The following R3HDML variants were observed in gnomAD, a reference collection of about 807,000 sequenced individuals.
R3HDML encodes the protein peptidase inhibitor R3HDML.
Under a neutral mutation model 24.2 loss-of-function variants are expected in R3HDML, and 21 were observed. The ratio of observed to expected loss-of-function variants is 0.87; its 90% CI spans 0.62 to 1.25. The LOEUF (loss-of-function observed/expected upper bound fraction) is 1.25. R3HDML is among the 50% of genes most tolerant of loss of function. The pLI is 0.00. For synonymous variants in R3HDML, 133 were observed against 131.5 expected, an observed-to-expected ratio of 1.01 and a Z score of -0.08; for missense variants, 301 against 340.3, an observed-to-expected ratio of 0.88 and a Z score of 0.91.
rs144380945 is a variant in R3HDML at position 44,345,332 on chromosome 20, A to G, written c.583A>G (p.Asn195Asp). Residue 195 changes from asparagine to aspartate, a missense_variant, in exon 4 of 5, where the codon AAC becomes GAC. By Grantham distance (23) the Asn-to-Asp change is conservative. Transcript: ENST00000217043. ...HTCSSISVWG[N>D]TWHRAAYLVC... ...CTGTAGTAGCATCAGTGTCTGGGGC[A>G]ACACCTGGCATCGGGCGGCATACCT... is the stretch of plus-strand genomic sequence containing the variant. The G allele has an allele frequency of 4.6e-3, 7,443 of 1,614,122 alleles. 30 individuals carry two copies. The highest frequency in any genetic ancestry group is 5.3e-3 in the Non-Finnish European group (6,291 of 1,180,018).
chr20:44,338,636 C>T (rs80091683), intron 1 of R3HDML, among the ~76,000 whole-genome samples: 13 of 152,236 alleles, frequency 8.5e-5, no homozygotes, highest in African/African-American at 3.1e-4. Context: ...TGATTGCAGG[C>T]GGCATGGAGC....
At chr20:44,342,312 A>T (rs1197299058) in intron 2 of R3HDML, among the ~76,000 whole-genome samples, 2 of 152,116 alleles carry the variant, frequency 1.3e-5, no homozygotes, top group Non-Finnish European at 2.9e-5. Flanking sequence ...CTCAGTGGAA[A>T]TTCAGGGCCC....
In R3HDML at chr20:44,337,428, C is replaced by T. The variant is rs200169964; in HGVS notation, c.261+10C>T. On this transcript the variant is annotated intron_variant, in intron 1 of 4. Coordinates refer to ENST00000217043, the MANE Select transcript of R3HDML (RefSeq NM_178491.4). This position sits in a 1 kb window ranked among gnomAD's most constrained non-coding sequence, Gnocchi z 4.7. ...CAACATGGAATACATGGTGAGTCCCCGTACCTGCCCCCCACCCCCCGCAGT... is the reference window on the plus strand; with the variant it reads ...CAACATGGAATACATGGTGAGTCCCTGTACCTGCCCCCCACCCCCCGCAGT... 1.5e-4 allele frequency: 235 copies of T among 1,605,870 alleles called. No individual in the cohort carries two copies. The highest frequency in any genetic ancestry group is 3.0e-5 in the Non-Finnish European group (35 of 1,173,436).
intron 4 of R3HDML, among the ~76,000 whole-genome samples, chr20:44,348,864 T>C (rs35880927): frequency 0.1 from 15,344 of 152,054 alleles, 971 homozygotes; most frequent in Middle Eastern, 0.17. Flanking sequence ...TAAAATATAA[T>C]GTGAGGCCAG....
At chr20:44,341,487 C>T (rs112976270) in intron 2 of R3HDML, among the ~76,000 whole-genome samples, 173 bp downstream of exon 2, 27 of 152,332 alleles carry the variant, frequency 1.8e-4, no homozygotes, top group African/African-American at 4.6e-4. Flanking sequence ...AAAACCCTAA[C>T]AAAGTTGTGT....
At chr20:44,339,958 CATT>C (rs2062767866) in intron 1 of R3HDML, among the ~76,000 whole-genome samples, 1 of 151,264 alleles carries the variant, frequency 6.6e-6, no homozygotes, top group African/African-American at 2.4e-5. Context: ...TTTGTATTAT[CATT>C]ATTATTTTTG....
rs73275327 is a variant in R3HDML, at chr20:44,343,235, G to T, written c.381-142G>T. The T allele has an allele frequency of 2.7e-3, 2,713 of 996,902 alleles. 49 individuals carry two copies. The African/African-American group carries it at 0.04, about 15-fold the overall frequency. 61.8% of individuals were successfully genotyped at this position (996,902 alleles called of 1,614,324 possible). ...GTTCAGAACATGCCTGTGAGGCAGGGCCACTGCCCTCATGCTCACAGATAG... is the reference window on the plus strand; with the variant it reads ...GTTCAGAACATGCCTGTGAGGCAGGTCCACTGCCCTCATGCTCACAGATAG... On this transcript the variant is annotated intron_variant, in intron 2 of 4. Coordinates refer to ENST00000217043, the MANE Select transcript of R3HDML (RefSeq NM_178491.4).
At chr20:44,343,575 T>C (rs1184608019) in intron 3 of R3HDML, 66 bp downstream of exon 3, 4 of 1,459,356 alleles carry the variant, frequency 2.7e-6, no homozygotes, top group South Asian at 1.4e-5. Flanking sequence ...AGAAAAGGAA[T>C]GTGTGGAGCA....
intron 4 of R3HDML, among the ~76,000 whole-genome samples, chr20:44,350,211 C>T (rs2062805289): frequency 6.6e-6 from 1 of 151,880 alleles, no homozygotes; most frequent in Non-Finnish European, 1.5e-5. Context: ...CTTGGTTTTA[C>T]AGGAGAAACC....
rs947262540 is a variant in R3HDML, at chr20:44,337,734, G to A, written c.261+316G>A. On this transcript the variant is annotated intron_variant, in intron 1 of 4. Coordinates refer to ENST00000217043, the MANE Select transcript of R3HDML (RefSeq NM_178491.4). The surrounding 1 kb of genome is among the most constrained non-coding windows in gnomAD (Gnocchi z 4.7). ...TTCCAGAGGAAGAAACTGAGACTCA[G>A]AGAATTAATTTGCCCAGCCAGGATT... is the stretch of plus-strand genomic sequence containing the variant. Among the ~76,000 whole-genome samples the A allele has an allele frequency of 1.0e-4, 13 of 127,140 alleles. No homozygotes were observed. The highest frequency in any genetic ancestry group is 1.9e-4 in the Non-Finnish European group (12 of 61,914). The allele number at this position is 127,140 out of a possible 152,430, so 83.4% of individuals were successfully genotyped here.
chr20:44,342,457 C>T lies in R3HDML; in HGVS notation c.381-920C>T, dbSNP rs183428527. ...CCTCCATTTCACTTTCCCTCTCCCC[C>T]GCTGCTGAACTCTTCCTGCCAGACT... On this transcript the variant is annotated intron_variant, in intron 2 of 4. Transcript: ENST00000217043. Among the ~76,000 whole-genome samples the T allele has an allele frequency of 1.5e-3, 229 of 152,178 alleles. 1 individual carries two copies. Among genetic ancestry groups the T allele is most frequent in the East Asian group, 9.3e-3 (48 of 5,156 alleles).
intron 2 of R3HDML, among the ~76,000 whole-genome samples, chr20:44,342,825 A>C (rs1430684485): frequency 6.6e-6 from 1 of 152,146 alleles, no homozygotes; most frequent in African/African-American, 2.4e-5. Flanking sequence ...ATGCAGGTGC[A>C]TACCTGCAGT....
At position 44,348,013 on chromosome 20, in the gene R3HDML, G is replaced by C. The variant is rs537313841; in HGVS notation, c.629+2635G>C. ...GGTCTTGCTGTGTTACCTAGGCTCG[G>C]AAGTACAGTGGCATGGTCACAGCTC... is the stretch of plus-strand genomic sequence containing the variant. On this transcript the variant is annotated intron_variant, in intron 4 of 4. Coordinates refer to ENST00000217043, the MANE Select transcript of R3HDML (RefSeq NM_178491.4). 1.5e-4 allele frequency among the ~76,000 whole-genome samples: 22 copies of C among 146,664 alleles called. 1 individual carries two copies. The highest frequency in any genetic ancestry group is 5.7e-4 in the African/African-American group (22 of 38,696).
At chr20:44,339,571 C>CTA (rs941204280) in intron 1 of R3HDML, among the ~76,000 whole-genome samples, 76 of 124,654 alleles carry the variant, frequency 6.1e-4, no homozygotes, top group Non-Finnish European at 9.0e-4. Flanking sequence ...TGCCATTTGC[C>CTA]TATATATATG....
intron 3 of R3HDML, 63 bp from the exon 4 acceptor site, chr20:44,345,200 C>A: frequency 7.5e-7 from 1 of 1,325,922 alleles, no homozygotes; most frequent in South Asian, 1.2e-5. Flanking sequence ...ACTGTACAAC[C>A]CCAGGGAGCC....
intron 4 of R3HDML, among the ~76,000 whole-genome samples, chr20:44,346,928 G>A (rs34770184): frequency 6.6e-6 from 1 of 152,214 alleles, no homozygotes; most frequent in Admixed American, 6.5e-5. Context: ...AATCACCTGA[G>A]GTTAGGAGTT....
intron 1 of R3HDML, among the ~76,000 whole-genome samples, chr20:44,338,648 G>T (rs532783169): frequency 6.6e-5 from 10 of 152,330 alleles, no homozygotes; most frequent in Admixed American, 6.5e-4. Context: ...GCATGGAGCA[G>T]AGAGGGTTCA....
At chr20:44,340,581 G>A (rs955119175) in intron 1 of R3HDML, among the ~76,000 whole-genome samples, 1 of 152,202 alleles carries the variant, frequency 6.6e-6, no homozygotes, top group African/African-American at 2.4e-5. Flanking sequence ...AATTGTTTGA[G>A]GCCAGGAGTT....
rs752153566 is a variant in R3HDML, at chr20:44,337,430, T to C, written c.261+12T>C. 1 of 1,605,736 alleles carries C rather than the reference T, an allele frequency of 6.2e-7. No individual in the cohort carries two copies. Among genetic ancestry groups the C allele is most frequent in the Non-Finnish European group, 8.5e-7 (1 of 1,173,276 alleles). On this transcript the variant is annotated intron_variant, in intron 1 of 4. Coordinates refer to ENST00000217043, the MANE Select transcript of R3HDML (RefSeq NM_178491.4). This position sits in a 1 kb window ranked among gnomAD's most constrained non-coding sequence, Gnocchi z 4.7. ...ACATGGAATACATGGTGAGTCCCCG[T>C]ACCTGCCCCCCACCCCCCGCAGTGT...
Sources: gnomAD v4.1 joint callset for allele counts (sites outside exome capture counted in the v4.1 genomes callset) on GRCh38, gnomAD v4.1.1 for gene constraint, Gnocchi (gnomAD v3.1) non-coding constraint, MANE v1.5 for transcripts, NCBI Gene and HGNC (gene_info 2026-07-23, HGNC 2026-07-21) for gene names.